MYH3: variants seen among roughly 807,000 people sequenced by gnomAD.
The protein encoded by MYH3 is myosin-3.
A neutral mutation model predicts 238.0 loss-of-function variants in MYH3; 130 were observed. The ratio of observed to expected loss-of-function variants is 0.55; its 90% confidence interval spans 0.47 to 0.63. The LOEUF is 0.63. MYH3 is among the 30% of genes least tolerant of loss of function. The pLI is 0.00. For synonymous variants in MYH3, 880 were observed against 924.1 expected (o/e 0.95, Z 0.86); for missense variants, 1,853 against 2,374.9 (o/e 0.78, Z 4.57).
Position 10,639,132 on chromosome 17 carries a change from T to G in MYH3, c.3160A>C (p.Arg1054=), listed in dbSNP as rs1173177036. The stretch of plus-strand genomic sequence containing the variant: ...AGCTTCAAGTCTCCTTCCAATTTCC[T>G]TTTGTTCCTTTCCAGGTCTACTCGG... ...KLRVDLERNK[R]KLEGDLKLAQ... Residue 1054 remains arginine, a synonymous_variant, in exon 25 of 41, where the codon AGG becomes CGG. Transcript: ENST00000583535. 1 of 1,614,144 alleles carries G rather than the reference T, an allele frequency of 6.2e-7. No homozygotes were observed.
chr17:10,658,053 G>A (rs764151424), upstream of MYH3, among the ~76,000 whole-genome samples: 1 of 152,140 alleles, frequency 6.6e-6, no homozygotes, highest in Admixed American at 6.5e-5. Flanking sequence ...CTGAGGACCT[G>A]TGGCTATTAA....
chr17:10,649,646 C>T lies in MYH3; in HGVS notation c.573G>A (p.Arg191=). ...CAATTGTTGCAAAGTACTGGATGAC[C>T]CGTTTGGTGTTCACAGTCTTTCCTG... The part of the protein sequence containing the change: ...SGAGKTVNTK[R]VIQYFATIAA... The change falls in exon 7 of 41, where the codon CGG becomes CGA. Residue 191 remains arginine, a synonymous_variant. Transcript: ENST00000583535. The T allele has an allele frequency of 6.2e-7, 1 of 1,614,194 alleles. No individual in the cohort carries two copies. Among genetic ancestry groups the T allele is most frequent in the Non-Finnish European group, 8.5e-7 (1 of 1,180,038 alleles).
At chr17:10,673,655 G>C in the MYH3 span, 1 of 152,166 alleles carries the variant, frequency 6.6e-6, no homozygotes, top group Non-Finnish European at 1.5e-5. Context: ...ACTGCACTAG[G>C]GCCAACAGAG....
At position 10,654,444 on chromosome 17, in the gene MYH3, AAC is replaced by A. The variant is rs2074408899; in HGVS notation, c.204+415_204+416del. Among the ~76,000 whole-genome samples the A allele has an allele frequency of 6.6e-6, 1 of 152,176 alleles. No homozygotes were observed. Among genetic ancestry groups the A allele is most frequent in the African/African-American group, 2.4e-5 (1 of 41,436 alleles). Reference sequence around the variant, plus strand: ...GAGCTTGTGGTCCCCTAGGATCCCTAACACATTTTCCTTACTTCCTTGGTTAG... The same window carrying A: ...GAGCTTGTGGTCCCCTAGGATCCCTAACATTTTCCTTACTTCCTTGGTTAG... On this transcript the variant is annotated intron_variant, in intron 3 of 40. Coordinates refer to ENST00000583535, the MANE Select transcript of MYH3 (RefSeq NM_002470.4). This position sits in a 1 kb window ranked among gnomAD's most constrained non-coding sequence, Gnocchi z 4.5.
At chr17:10,630,570 C>G (rs1390378947) in intron 36 of MYH3, 112 bp from the exon 37 acceptor site, 2 of 1,516,688 alleles carry the variant, frequency 1.3e-6, no homozygotes, top group Non-Finnish European at 1.8e-6. Context: ...AAAGGACAGG[C>G]CAGGCGCGGT....
chr17:10,661,954 G>A (rs556917436), upstream of MYH3, among the ~76,000 whole-genome samples: 48 of 152,256 alleles, frequency 3.2e-4, no homozygotes, highest in African/African-American at 9.6e-4. Flanking sequence ...CAAGAAGAGA[G>A]AGGCCATAAC....
chr17:10,671,861 G>A, the MYH3 span, among the ~76,000 whole-genome samples: 1 of 152,242 alleles, frequency 6.6e-6, no homozygotes, highest in Admixed American at 6.5e-5. Context: ...TTACAGGCGT[G>A]AGCACCTGTA....
intron 36 of MYH3, among the ~76,000 whole-genome samples, chr17:10,631,367 GA>G (rs1162623784): frequency 6.6e-6 from 1 of 152,216 alleles, no homozygotes; most frequent in Non-Finnish European, 1.5e-5. Flanking sequence ...GATGTTGAAG[GA>G]AAGACATGCA....
chr17:10,629,525 C>G (rs2074130322), intron 40 of MYH3, 72 bp downstream of exon 40: 1 of 1,596,102 alleles, frequency 6.3e-7, no homozygotes, highest in Admixed American at 1.7e-5. Flanking sequence ...GTAAAGGGTT[C>G]TCTGAGGTTC....
At chr17:10,640,973 G>A (rs2074265456) in intron 19 of MYH3, 112 bp downstream of exon 19, 1 of 953,886 alleles carries the variant, frequency 1.0e-6, no homozygotes, top group Non-Finnish European at 1.7e-6. Context: ...TTTACATGGA[G>A]GTCCATATCT....
At chr17:10,671,425 T>C in the MYH3 span, among the ~76,000 whole-genome samples, 133 of 152,280 alleles carry the variant, frequency 8.7e-4, 1 homozygote, top group African/African-American at 3.1e-3. Context: ...GAGTCCATTT[T>C]ACCCCCATCC....
At chr17:10,667,397 A>G in the MYH3 span, among the ~76,000 whole-genome samples, 2 of 152,206 alleles carry the variant, frequency 1.3e-5, no homozygotes, top group African/African-American at 2.4e-5. Context: ...AAAAAGAATC[A>G]GAGGCCGGGT....
intron 5 of MYH3, 152 bp downstream of exon 5, chr17:10,651,360 G>A: frequency 2.1e-6 from 3 of 1,397,050 alleles, no homozygotes; most frequent in Non-Finnish European, 3.0e-6. Context: ...GGCCCTACAT[G>A]ATGCAGCCCC....
upstream of MYH3, among the ~76,000 whole-genome samples, chr17:10,658,033 C>T (rs956421889): frequency 3.3e-5 from 5 of 152,062 alleles, no homozygotes; most frequent in Non-Finnish European, 7.4e-5. Flanking sequence ...GTATTCCCGG[C>T]GACAGCTGCC....
intron 1 of MYH3, 106 bp from the exon 2 acceptor site, chr17:10,656,254 C>T (rs902896714): frequency 1.3e-5 from 2 of 152,214 alleles, no homozygotes; most frequent in Admixed American, 6.5e-5. Context: ...GGCCAGGCGC[C>T]ATGGCTCACG....
Position 10,635,543 on chromosome 17 carries a change from G to T in MYH3, c.3996C>A (p.His1332Gln), listed in dbSNP as rs200128580. ...EENKAKNALA[H>Q]ALQSSRHDCD... is the part of the protein sequence containing the mutation. The stretch of plus-strand genomic sequence containing the variant: ...AGTCGTGGCGGGAGGACTGCAGGGC[G>T]TGCGCCAGGGCGTTCTTGGCCTGCA... The change falls in exon 30 of 41, where the codon CAC becomes CAA. Residue 1332 changes from histidine to glutamine, a missense_variant. By Grantham distance (24) the His-to-Gln change is conservative. Around this residue, in one of 3 missense-constraint regions of MYH3, gnomAD observed 1,044 missense variants for 1,192.6 expected, o/e 0.88. Coordinates refer to ENST00000583535, the MANE Select transcript of MYH3 (RefSeq NM_002470.4). The T allele has an allele frequency of 1.9e-6, 3 of 1,614,248 alleles. No individual in the cohort carries two copies. In the East Asian group the frequency reaches 6.7e-5, roughly 36 times the overall value.
chr17:10,636,301 A>T, intron 28 of MYH3, among the ~76,000 whole-genome samples: 1 of 151,268 alleles, frequency 6.6e-6, no homozygotes, highest in Non-Finnish European at 1.5e-5. Context: ...AAAAAAAAAA[A>T]AAAAAAAAGA....
At position 10,637,657 on chromosome 17, in the gene MYH3, C is replaced by T. The variant is rs1027906952; in HGVS notation, c.3856+152G>A. ...TCTCCCTTCAGGCTATTTCAAATGG[C>T]TCTTTCTATGAGTTATTTCAATTTC... On this transcript the variant is annotated intron_variant, in intron 28 of 40. Coordinates refer to ENST00000583535, the MANE Select transcript of MYH3 (RefSeq NM_002470.4). 3.7e-6 allele frequency: 4 copies of T among 1,083,582 alleles called. No homozygotes were observed. The African/African-American group carries it at 6.3e-5, about 17-fold the overall frequency. The allele number at this position is 1,083,582 out of a possible 1,614,324, so 67.1% of individuals were successfully genotyped here. A position where few individuals can be genotyped will look rare whatever the true frequency, so the allele number is the denominator to read the frequency against.
chr17:10,629,612 G>T lies in MYH3; in HGVS notation c.5781C>A (p.Asp1927Glu). ...QVNKLRAKTR[D>E]FTSSRMVVHE... ...AGCGACTCACCCTGCTGGAGGTGAA[G>T]TCTCGAGTCTTAGCGCGGAGCTTGT... is the stretch of plus-strand genomic sequence containing the variant. Residue 1927 changes from aspartate (D) to glutamate (E), a missense_variant, in exon 40 of 41, where the codon GAC becomes GAA. By Grantham distance (45) the Asp-to-Glu change is conservative. This residue lies in a region of MYH3 where 1,044 missense variants were observed against 1,192.6 expected (regional missense o/e 0.88). Coordinates refer to ENST00000583535, the MANE Select transcript of MYH3 (RefSeq NM_002470.4). The T allele has an allele frequency of 1.9e-6, 3 of 1,613,542 alleles. No homozygotes were observed. The highest frequency in any genetic ancestry group is 2.5e-6 in the Non-Finnish European group (3 of 1,180,044).
Sources: allele counts gnomAD v4.1 joint callset (sites outside exome capture counted in the v4.1 genomes callset), GRCh38; gene constraint gnomAD v4.1.1; regional missense constraint gnomAD v4.1.1; non-coding constraint Gnocchi (gnomAD v3.1); transcripts MANE v1.5; gene names NCBI Gene and HGNC (gene_info 2026-07-23, HGNC 2026-07-21).